Variants in FOXO3 observed in about 807,000 individuals in gnomAD.
FOXO3 encodes the protein forkhead box O3, also known as forkhead box protein O3.
In FOXO3, 4 loss-of-function variants were observed where a neutral mutation model predicts 41.9. The ratio of observed to expected loss-of-function variants is 0.10; its 90% CI spans 0.05 to 0.22. FOXO3 has a LOEUF of 0.22. Ranked by LOEUF, FOXO3 falls within the 10% of genes least tolerant of loss-of-function variation. FOXO3 has a pLI of 1.00. For missense variants in FOXO3, 534 were observed against 906.8 expected, an observed-to-expected ratio of 0.59 and a Z score of 5.28; for synonymous variants, 318 against 389.3, an observed-to-expected ratio of 0.82 and a Z score of 2.16.
chr6:108,596,176 C>T (rs114439670), intron 1 of FOXO3, among the ~76,000 whole-genome samples: 40 of 151,970 alleles, frequency 2.6e-4, no homozygotes, highest in Admixed American at 5.2e-4. Context: ...TATCCCTTAG[C>T]ATTGAAAACA....
chr6:108,627,952 G>T (rs1239740343), intron 1 of FOXO3, among the ~76,000 whole-genome samples: 1 of 152,066 alleles, frequency 6.6e-6, no homozygotes, highest in African/African-American at 2.4e-5. Context: ...GCATATTTAA[G>T]GTACTTAGAG....
chr6:108,580,340 C>T (rs542444418), intron 1 of FOXO3, among the ~76,000 whole-genome samples: 7 of 151,980 alleles, frequency 4.6e-5, no homozygotes, highest in African/African-American at 1.5e-4. Context: ...AGGTGCCCAC[C>T]ATCGTGCTCG....
intron 1 of FOXO3, among the ~76,000 whole-genome samples, chr6:108,656,735 C>T (rs920815078): frequency 2.6e-5 from 4 of 152,176 alleles, no homozygotes; most frequent in African/African-American, 9.7e-5. Context: ...TGGTGGAATA[C>T]TTTTCATTTC....
intron 1 of FOXO3, among the ~76,000 whole-genome samples, chr6:108,585,517 G>C (rs1776557707): frequency 6.6e-6 from 1 of 152,210 alleles, no homozygotes; most frequent in Non-Finnish European, 1.5e-5. Context: ...GCATTATTGA[G>C]ATTGGAGCCC....
chr6:108,567,417 G>A (rs1186285634), intron 1 of FOXO3, among the ~76,000 whole-genome samples: 1 of 152,178 alleles, frequency 6.6e-6, no homozygotes, highest in Admixed American at 6.5e-5. Context: ...GTCTCCCAGG[G>A]CCTGATGTAG....
rs954545053 is a variant in FOXO3 at position 108,683,239 on chromosome 6, C to G, written c.*3447C>G. On this transcript the variant is annotated 3_prime_UTR_variant, in exon 3 of 3. Coordinates refer to ENST00000406360, the MANE Select transcript of FOXO3 (RefSeq NM_001455.4). The stretch of plus-strand genomic sequence containing the variant: ...AGCATTGTGTGTGTTGCTTCCCCAC[C>G]CTGAGGAGAGGACACCATGGCTTAC... 3 of 152,194 alleles carry G rather than the reference C, an allele frequency of 2.0e-5. No homozygotes were observed. The highest frequency in any genetic ancestry group is 7.2e-5 in the African/African-American group (3 of 41,388). The allele number at this position is 152,194 out of a possible 1,614,324, so 9.4% of individuals were successfully genotyped here.
intron 1 of FOXO3, among the ~76,000 whole-genome samples, chr6:108,622,681 T>C (rs899609706): frequency 6.6e-6 from 1 of 152,144 alleles, no homozygotes; most frequent in South Asian, 2.1e-4. Flanking sequence ...GAGGAACTCT[T>C]ACTGGACGCC....
intron 1 of FOXO3, among the ~76,000 whole-genome samples, chr6:108,659,737 C>G (rs1158420751): frequency 6.6e-6 from 1 of 152,134 alleles, no homozygotes; most frequent in Non-Finnish European, 1.5e-5. Context: ...TGTGGGTGTT[C>G]CAGCCCCTTT....
Position 108,614,004 on chromosome 6 carries a change from A to T in FOXO3, c.622-49451A>T, listed in dbSNP as rs190255702. On this transcript the variant is annotated intron_variant, in intron 1 of 2. Coordinates refer to ENST00000406360, the MANE Select transcript of FOXO3 (RefSeq NM_001455.4). ...TTAGAAGTTAATTTTTAAATTTCCA[A>T]GTATTTGGAGGATTTTCTGGATATT... 2.1e-3 allele frequency among the ~76,000 whole-genome samples: 314 copies of T among 152,248 alleles called. 1 individual carries two copies. The highest frequency in any genetic ancestry group is 7.9e-3 in the South Asian group (38 of 4,830).
At chr6:108,676,036 C>T (rs1770574987) in intron 2 of FOXO3, among the ~76,000 whole-genome samples, 2 of 152,086 alleles carry the variant, frequency 1.3e-5, no homozygotes, top group South Asian at 4.1e-4. Context: ...CCTACAGATG[C>T]CAAGATTATA....
intron 1 of FOXO3, among the ~76,000 whole-genome samples, chr6:108,626,449 ATGTC>A (rs1263804030): frequency 6.6e-6 from 1 of 152,118 alleles, no homozygotes; most frequent in East Asian, 1.9e-4. Context: ...TCTTAGGCTA[ATGTC>A]TTGAGCCATG....
intron 2 of FOXO3, among the ~76,000 whole-genome samples, chr6:108,667,851 A>G (rs550830638): frequency 6.6e-6 from 1 of 152,342 alleles, no homozygotes; most frequent in East Asian, 1.9e-4. Flanking sequence ...GAGCATTTAA[A>G]GAACCATCCA....
chr6:108,617,392 G>GT lies in FOXO3; in HGVS notation c.622-46054dup, dbSNP rs958321028. 4.4e-3 allele frequency among the ~76,000 whole-genome samples: 662 copies of GT among 150,358 alleles called. 4 individuals carry two copies. Among genetic ancestry groups the GT allele is most frequent in the African/African-American group, 0.015 (610 of 41,004 alleles). On this transcript the variant is annotated intron_variant, in intron 1 of 2. Transcript: ENST00000406360. ...TACCAGGCATTGTGAATTTTACATA[G>GT]TTTTTTTTTCATATTAAACAAGAAG...
Position 108,600,184 on chromosome 6 carries a change from G to C in FOXO3, c.621+38355G>C, listed in dbSNP as rs138416838. Among the ~76,000 whole-genome samples, 1,422 of 152,194 alleles carry C rather than the reference G, an allele frequency of 9.3e-3. 22 individuals carry two copies. Among genetic ancestry groups the C allele is most frequent in the African/African-American group, 0.032 (1,349 of 41,508 alleles). On this transcript the variant is annotated intron_variant, in intron 1 of 2. Transcript: ENST00000406360. ...TAACCTGGTTTGTATTACCTGTGAGGACTAGCTTCACACAAATTGATGTTC... is the reference window on the plus strand; with the variant it reads ...TAACCTGGTTTGTATTACCTGTGAGCACTAGCTTCACACAAATTGATGTTC...
At position 108,681,115 on chromosome 6, in the gene FOXO3, A is replaced by G. The variant is rs1770831987; in HGVS notation, c.*1323A>G. The G allele has an allele frequency of 6.6e-6, 1 of 152,596 alleles. No individual in the cohort carries two copies. Among genetic ancestry groups the G allele is most frequent in the South Asian group, 2.1e-4 (1 of 4,834 alleles). 9.5% of individuals were successfully genotyped at this position (152,596 alleles called of 1,614,324 possible). ...TTTTCAAAAAGTTATGGTGCTGTAT[A>G]GGTGCTTTCTGTTTAACCTGGAAAG... On this transcript the variant is annotated 3_prime_UTR_variant, in exon 3 of 3. Transcript: ENST00000406360.
In FOXO3 at chr6:108,606,852, G is replaced by A. The variant is rs546105984; in HGVS notation, c.621+45023G>A. ...GTGATTTTCATTTTTGATGCCTGATGTGACAGGAGGGGGTGAGGATGGGGG... is the reference window on the plus strand; with the variant it reads ...GTGATTTTCATTTTTGATGCCTGATATGACAGGAGGGGGTGAGGATGGGGG... On this transcript the variant is annotated intron_variant, in intron 1 of 2. Coordinates refer to ENST00000406360, the MANE Select transcript of FOXO3 (RefSeq NM_001455.4). Among the ~76,000 whole-genome samples, 7 of 152,326 alleles carry A rather than the reference G, an allele frequency of 4.6e-5. No individual in the cohort carries two copies. The South Asian group carries it at 1.4e-3, about 32-fold the overall frequency.
At chr6:108,627,764 T>C (rs551968548) in intron 1 of FOXO3, among the ~76,000 whole-genome samples, 1 of 152,228 alleles carries the variant, frequency 6.6e-6, no homozygotes, top group East Asian at 1.9e-4. Flanking sequence ...AAATTTGTCT[T>C]GGGCCACATT....
chr6:108,581,004 G>T (rs934038472), intron 1 of FOXO3, among the ~76,000 whole-genome samples: 2 of 152,194 alleles, frequency 1.3e-5, no homozygotes, highest in African/African-American at 4.8e-5. Flanking sequence ...ACACATAGAT[G>T]AGTTTACTCT....
intron 2 of FOXO3, among the ~76,000 whole-genome samples, chr6:108,677,003 T>C (rs1024515421): frequency 6.6e-6 from 1 of 152,264 alleles, no homozygotes; most frequent in Non-Finnish European, 1.5e-5. Context: ...ACCAAAGGCC[T>C]TTCTGTTCTC....
Sources: allele counts gnomAD v4.1 joint callset (sites outside exome capture counted in the v4.1 genomes callset), GRCh38; gene constraint gnomAD v4.1.1; transcripts MANE v1.5; gene names NCBI Gene and HGNC (gene_info 2026-07-23, HGNC 2026-07-21).